Variants in PHF24 observed in about 807,000 individuals in gnomAD.
PHF24 encodes PHD finger protein 24, also known as Galpha inhibitory interacting protein.
In PHF24, 25 loss-of-function variants were observed where a neutral mutation model predicts 42.6. That is an observed-to-expected ratio of 0.59 (90% CI 0.43 to 0.82). The LOEUF is 0.82. PHF24 is among the 40% of genes least tolerant of loss of function. The probability of loss-of-function intolerance (pLI) is 0.00; values close to 1 mark genes in which losing one functional copy is unlikely to be tolerated. For synonymous variants in PHF24, 185 were observed against 204.8 expected (o/e 0.90, Z 0.83); for missense variants, 470 against 538.1 (o/e 0.87, Z 1.25).
At chr9:34,930,018 A>G in the PHF24 span, among the ~76,000 whole-genome samples, 1 of 152,168 alleles carries the variant, frequency 6.6e-6, no homozygotes, top group Admixed American at 6.5e-5. Flanking sequence ...ATACTCCTAC[A>G]TTTCTGCTGT....
the PHF24 span, among the ~76,000 whole-genome samples, chr9:34,884,131 C>T: frequency 3.3e-5 from 5 of 152,100 alleles, no homozygotes; most frequent in Non-Finnish European, 5.9e-5. Context: ...AACCAAGCAC[C>T]GCATGTTCTC....
the PHF24 span, among the ~76,000 whole-genome samples, chr9:34,760,087 G>C: frequency 2.0e-5 from 3 of 151,988 alleles, no homozygotes; most frequent in African/African-American, 7.2e-5. Context: ...GGTTGAGAGC[G>C]AACAGCAAAC....
the PHF24 span, among the ~76,000 whole-genome samples, chr9:34,680,290 G>A: frequency 6.6e-6 from 1 of 152,090 alleles, no homozygotes; most frequent in Non-Finnish European, 1.5e-5. Flanking sequence ...CAGGAGAATC[G>A]CTTGAATCTG....
chr9:34,724,664 G>A, the PHF24 span: 7 of 1,543,182 alleles, frequency 4.5e-6, no homozygotes, highest in Non-Finnish European at 6.1e-6. Flanking sequence ...TACTGGCACT[G>A]CAGGCTGGAA....
exon 8 of PHF24, chr9:34,978,180 A>C: frequency 8.2e-7 from 1 of 1,220,184 alleles, no homozygotes; most frequent in Non-Finnish European, 1.2e-6. Context: ...CCCTTCCCCC[A>C]CCAACCTCTG....
chr9:34,917,594 A>G, the PHF24 span: 1 of 775,190 alleles, frequency 1.3e-6, no homozygotes. Context: ...ATATACCCTC[A>G]TGGGGACAAA....
chr9:34,834,517 G>A, the PHF24 span: 1 of 1,551,510 alleles, frequency 6.4e-7, no homozygotes. Context: ...GTTTCTGGAT[G>A]TGGAATTCCA....
the PHF24 span, among the ~76,000 whole-genome samples, chr9:34,736,374 A>T: frequency 4.2e-4 from 64 of 152,306 alleles, no homozygotes; most frequent in African/African-American, 1.5e-3. Context: ...TGGCACAATG[A>T]TGGCTCACTG....
In PHF24 at chr9:34,978,224, C is replaced by T. The variant is rs1391031504; in HGVS notation, c.*113C>T. 3.7e-5 allele frequency: 28 copies of T among 761,494 alleles called. No individual in the cohort carries two copies. The Admixed American group carries it at 5.0e-4, about 14-fold the overall frequency. The allele number at this position is 761,494 out of a possible 1,614,324, so 47.2% of individuals were successfully genotyped here. Reference sequence around the variant, plus strand: ...ACTCATGGGGTTGGGACACTGCCAGCGTCTTAACTTGTCACTAAGCTTTAA... The same window carrying T: ...ACTCATGGGGTTGGGACACTGCCAGTGTCTTAACTTGTCACTAAGCTTTAA... On this transcript the variant is annotated 3_prime_UTR_variant, in exon 8 of 8. Transcript: ENST00000242315.
At chr9:34,727,897 C>G in the PHF24 span, 22 of 859,704 alleles carry the variant, frequency 2.6e-5, no homozygotes, top group Non-Finnish European at 3.0e-5. Context: ...CCCAGTGTCC[C>G]TGCTTCCACT....
At chr9:34,826,768 A>G in the PHF24 span, among the ~76,000 whole-genome samples, 10 of 152,176 alleles carry the variant, frequency 6.6e-5, no homozygotes, top group Admixed American at 3.3e-4. Flanking sequence ...TGAGTGTGCC[A>G]GAGGTGAACC....
the PHF24 span, among the ~76,000 whole-genome samples, chr9:34,862,537 G>A: frequency 6.6e-6 from 1 of 152,064 alleles, no homozygotes; most frequent in Admixed American, 6.6e-5. Context: ...TTTAGACACA[G>A]CCTGGCCCAG....
At chr9:34,831,863 A>T in the PHF24 span, among the ~76,000 whole-genome samples, 2 of 152,166 alleles carry the variant, frequency 1.3e-5, no homozygotes, top group African/African-American at 2.4e-5. Context: ...TTCTAGAAAG[A>T]TCTTCCCAGT....
chr9:34,822,611 G>T, the PHF24 span, among the ~76,000 whole-genome samples: 24 of 152,332 alleles, frequency 1.6e-4, no homozygotes, highest in African/African-American at 5.8e-4. Context: ...GGGTTGTTAT[G>T]TGCGTGATTC....
the PHF24 span, among the ~76,000 whole-genome samples, chr9:34,798,737 G>A: frequency 2.0e-5 from 3 of 152,276 alleles, no homozygotes; most frequent in East Asian, 5.8e-4. Flanking sequence ...ACCCAGTAAT[G>A]GGATTGCTGG....
At chr9:34,832,371 G>T in the PHF24 span, 2 of 903,122 alleles carry the variant, frequency 2.2e-6, no homozygotes, top group Non-Finnish European at 3.5e-6. Context: ...GTGGCCTGGG[G>T]TTGAGGCAGA....
At chr9:34,840,177 A>T in the PHF24 span, among the ~76,000 whole-genome samples, 1 of 152,168 alleles carries the variant, frequency 6.6e-6, no homozygotes. Flanking sequence ...GATTTTTTAA[A>T]GTAAGCATAC....
At chr9:34,836,722 A>G in the PHF24 span, among the ~76,000 whole-genome samples, 1 of 152,218 alleles carries the variant, frequency 6.6e-6, no homozygotes, top group Non-Finnish European at 1.5e-5. Context: ...ATGTAGCTGT[A>G]AAGAGAATGT....
chr9:34,718,539 A>G, the PHF24 span, among the ~76,000 whole-genome samples: 3 of 152,348 alleles, frequency 2.0e-5, no homozygotes, highest in Non-Finnish European at 4.4e-5. Context: ...CAGAGGACAC[A>G]GGGGCTATTC....
Sources: gnomAD v4.1 joint callset for allele counts (sites outside exome capture counted in the v4.1 genomes callset) on GRCh38, gnomAD v4.1.1 for gene constraint, MANE v1.5 for transcripts, NCBI Gene and HGNC (gene_info 2026-07-23, HGNC 2026-07-21) for gene names.